The following NPFFR2 variants were observed in gnomAD, a reference collection of about 807,000 sequenced individuals.
NPFFR2 encodes the protein neuropeptide FF receptor 2.
A neutral mutation model predicts 13.1 loss-of-function variants in NPFFR2; 15 were observed. That is an observed-to-expected ratio of 1.15 (90% CI 0.77 to 1.76). The LOEUF (loss-of-function observed/expected upper bound fraction) is 1.76. Among genes scored for constraint, NPFFR2 ranks in the 40% most tolerant of loss-of-function variants. NPFFR2 has a pLI of 0.00. For synonymous variants in NPFFR2, 190 were observed against 175.7 expected (o/e 1.08, Z -0.65); for missense variants, 572 against 503.5 (o/e 1.14, Z -1.30).
At chr4:72,145,435 C>G (rs1722745187) in intron 3 of NPFFR2, among the ~76,000 whole-genome samples, 2 of 151,562 alleles carry the variant, frequency 1.3e-5, no homozygotes. Context: ...AAATTTATCT[C>G]CTATATAAAT....
At chr4:72,100,776 A>T (rs912144037) in intron 1 of NPFFR2, among the ~76,000 whole-genome samples, 3 of 152,120 alleles carry the variant, frequency 2.0e-5, no homozygotes, top group African/African-American at 2.4e-5. Context: ...TGGTAATAAC[A>T]TAATAATTGA....
At chr4:72,119,527 A>G (rs1338554401) in intron 1 of NPFFR2, among the ~76,000 whole-genome samples, 2 of 152,200 alleles carry the variant, frequency 1.3e-5, no homozygotes, top group East Asian at 1.9e-4. Context: ...TGCAGCTCCC[A>G]GCGAGATCAA....
intron 1 of NPFFR2, among the ~76,000 whole-genome samples, chr4:72,111,403 T>A (rs564986431): frequency 6.6e-6 from 1 of 152,026 alleles, no homozygotes; most frequent in Non-Finnish European, 1.5e-5. Flanking sequence ...ATAGCCATCC[T>A]CCTTGGCTTG....
At chr4:72,038,253 C>T (rs1197511924) in intron 1 of NPFFR2, among the ~76,000 whole-genome samples, 3 of 152,158 alleles carry the variant, frequency 2.0e-5, no homozygotes, top group African/African-American at 7.2e-5. Context: ...TGATTTGTGT[C>T]AAAGCCCACT....
At chr4:72,106,689 C>T (rs186919734) in intron 1 of NPFFR2, among the ~76,000 whole-genome samples, 143 of 152,054 alleles carry the variant, frequency 9.4e-4, no homozygotes, top group African/African-American at 3.3e-3. Context: ...GAATGACAAG[C>T]TGGAGATGAA....
chr4:72,076,202 A>G (rs1720432424), intron 1 of NPFFR2, among the ~76,000 whole-genome samples: 2 of 151,840 alleles, frequency 1.3e-5, no homozygotes, highest in African/African-American at 4.8e-5. Flanking sequence ...TTATAATTTA[A>G]AGCAAATACA....
intron 3 of NPFFR2, among the ~76,000 whole-genome samples, chr4:72,146,370 C>T (rs1722782390): frequency 6.6e-6 from 1 of 152,124 alleles, no homozygotes; most frequent in Admixed American, 6.5e-5. Context: ...CCAGAAGGAC[C>T]TGCCCCACAT....
At chr4:72,125,897 A>C (rs912871011) in intron 1 of NPFFR2, among the ~76,000 whole-genome samples, 1 of 152,224 alleles carries the variant, frequency 6.6e-6, no homozygotes. Context: ...GGAGATTTGG[A>C]CAGAGACACT....
intron 1 of NPFFR2, among the ~76,000 whole-genome samples, chr4:72,059,930 A>G (rs548849114): frequency 2.5e-4 from 38 of 152,134 alleles, no homozygotes; most frequent in African/African-American, 7.2e-4. Flanking sequence ...AGACCTGGTT[A>G]TTTTTCCCCC....
intron 2 of NPFFR2, among the ~76,000 whole-genome samples, chr4:72,136,689 CT>C (rs1722424104): frequency 6.6e-6 from 1 of 152,184 alleles, no homozygotes; most frequent in African/African-American, 2.4e-5. Flanking sequence ...CAGCGGTATA[CT>C]TTCGCTTAAT....
rs182171697 is a variant in NPFFR2 at position 72,048,712 on chromosome 4, A to G, written c.-8+16512A>G. Reference sequence around the variant, plus strand: ...ATTTTTTTTTAATGATACTTTGGTAATGTGGTCAAAATGTGAAATAACTTA... The same window carrying G: ...ATTTTTTTTTAATGATACTTTGGTAGTGTGGTCAAAATGTGAAATAACTTA... On this transcript the variant is annotated intron_variant, in intron 1 of 3. Transcript: ENST00000308744. Among the ~76,000 whole-genome samples, 18 of 148,428 alleles carry G rather than the reference A, an allele frequency of 1.2e-4. No homozygotes were observed. The East Asian group carries it at 3.2e-3, about 26-fold the overall frequency.
rs116168446 is a variant in NPFFR2 at position 72,085,465 on chromosome 4, T to G, written c.-7-43120T>G. The stretch of plus-strand genomic sequence containing the variant: ...CAGCATATATTTTATGTTTTTTCTC[T>G]TTCTCTTACATGCCTTAATCTACTT... On this transcript the variant is annotated intron_variant, in intron 1 of 3. Transcript: ENST00000308744. 3.2e-3 allele frequency among the ~76,000 whole-genome samples: 488 copies of G among 152,290 alleles called. 4 individuals are homozygous for G. The highest frequency in any genetic ancestry group is 0.011 in the African/African-American group (452 of 41,586).
Position 72,147,816 on chromosome 4 carries a change from G to C in NPFFR2, c.*4G>C. 6.5e-7 allele frequency: 1 copy of C among 1,537,022 alleles called. No individual in the cohort carries two copies. Among genetic ancestry groups the C allele is most frequent in the Non-Finnish European group, 8.7e-7 (1 of 1,144,538 alleles). On this transcript the variant is annotated 3_prime_UTR_variant, in exon 4 of 4. Coordinates refer to ENST00000308744, the MANE Select transcript of NPFFR2 (RefSeq NM_004885.3). ...TACTAACAGCAGTGAGATTTAAAAA[G>C]AGCTAGTGTGATAATCCTAACTCTA...
intron 3 of NPFFR2, 61 bp from the exon 4 acceptor site, chr4:72,146,917 G>T (rs1264456296): frequency 3.5e-5 from 39 of 1,108,350 alleles, no homozygotes; most frequent in Non-Finnish European, 4.9e-5. Flanking sequence ...AATAAATTTG[G>T]TGTATGACTT....
rs894203167 is a variant in NPFFR2, at chr4:72,144,393, TA to T, written c.429-2584del. On this transcript the variant is annotated intron_variant, in intron 3 of 3. Transcript: ENST00000308744. ...TTCATGAGACTGAGTCATCAATCCT[TA>T]GCCAAGGAAAAAGGAATAGAATTTG... Among the ~76,000 whole-genome samples, 144 of 152,296 alleles carry T rather than the reference TA, an allele frequency of 9.5e-4. 1 individual carries two copies. The highest frequency in any genetic ancestry group is 3.4e-3 in the African/African-American group (141 of 41,554).
At chr4:72,109,350 C>T (rs1721501405) in intron 1 of NPFFR2, among the ~76,000 whole-genome samples, 1 of 152,030 alleles carries the variant, frequency 6.6e-6, no homozygotes, top group Non-Finnish European at 1.5e-5. Context: ...CTAAGAGTTT[C>T]TCATACCTCA....
chr4:72,130,063 A>G (rs1466829030), intron 2 of NPFFR2, among the ~76,000 whole-genome samples: 5 of 148,500 alleles, frequency 3.4e-5, no homozygotes, highest in African/African-American at 1.3e-4. Context: ...GGTTGGGGGT[A>G]AGGTCATAGA....
At chr4:72,040,117 TCGGC>T (rs1560391195) in intron 1 of NPFFR2, among the ~76,000 whole-genome samples, 1 of 152,170 alleles carries the variant, frequency 6.6e-6, no homozygotes, top group Non-Finnish European at 1.5e-5. Flanking sequence ...TTCCATATTG[TCGGC>T]TGCCTTTGTT....
At chr4:72,135,853 T>C (rs1193901982) in intron 2 of NPFFR2, among the ~76,000 whole-genome samples, 2 of 152,084 alleles carry the variant, frequency 1.3e-5, no homozygotes, top group African/African-American at 4.8e-5. Context: ...CATATGTGTA[T>C]ATTTATGGGG....
Sources: allele counts gnomAD v4.1 joint callset (sites outside exome capture counted in the v4.1 genomes callset), GRCh38; gene constraint gnomAD v4.1.1; transcripts MANE v1.5; gene names NCBI Gene and HGNC (gene_info 2026-07-23, HGNC 2026-07-21).